The following YEATS2 variants were observed in gnomAD, a reference collection of about 807,000 sequenced individuals.
YEATS2 encodes the protein YEATS domain-containing protein 2.
In YEATS2, 77 loss-of-function variants were observed where a neutral mutation model predicts 163.2. That is an observed-to-expected ratio of 0.47 (90% CI 0.39 to 0.57). YEATS2 has a LOEUF of 0.57. YEATS2 is among the 20% of genes least tolerant of loss of function. The pLI, the probability that YEATS2 is intolerant of heterozygous loss-of-function variation, is 0.00. For missense variants in YEATS2, 1,549 were observed against 1,729.8 expected (o/e 0.90, Z 1.85); for synonymous variants, 631 against 645.1 (o/e 0.98, Z 0.33).
chr3:183,798,161 G>T (rs1389753071), intron 22 of YEATS2, 110 bp downstream of exon 22: 15 of 1,490,526 alleles, frequency 1.0e-5, no homozygotes, highest in Non-Finnish European at 1.4e-5. Flanking sequence ...AGCTGTCACG[G>T]TATTCCCAGC....
Position 183,752,193 on chromosome 3 carries a change from A to G in YEATS2, c.1090A>G (p.Lys364Glu). Residue 364 changes from lysine (K) to glutamate (E), a missense_variant, in exon 10 of 31, where the codon AAA becomes GAA. Coordinates refer to ENST00000305135, the MANE Select transcript of YEATS2 (RefSeq NM_018023.5). ...GCCTTTGACCATTCCAGCCCCAGTGAAAGCTTCTTCACCAATAAAGCAGTC... is the reference window on the plus strand; with the variant it reads ...GCCTTTGACCATTCCAGCCCCAGTGGAAGCTTCTTCACCAATAAAGCAGTC... ...SLPLTIPAPVKASSPIKQSHE... is the reference protein window; with the variant it reads ...SLPLTIPAPVEASSPIKQSHE... 1 of 1,614,146 alleles carries G rather than the reference A, an allele frequency of 6.2e-7. No homozygotes were observed. Among genetic ancestry groups the G allele is most frequent in the Non-Finnish European group, 8.5e-7 (1 of 1,180,024 alleles).
At chr3:183,805,236 A>G (rs1726067596) in intron 27 of YEATS2, among the ~76,000 whole-genome samples, 1 of 150,208 alleles carries the variant, frequency 6.7e-6, no homozygotes, top group East Asian at 1.9e-4. Flanking sequence ...CCTTGTCGCT[A>G]CAAAAATTAC....
At chr3:183,737,863 T>C (rs1450024376) in intron 8 of YEATS2, among the ~76,000 whole-genome samples, 1 of 152,228 alleles carries the variant, frequency 6.6e-6, no homozygotes, top group South Asian at 2.1e-4. Flanking sequence ...CAGTAGATAC[T>C]TGATTTTTAA....
chr3:183,785,328 A>T (rs1452524302), intron 19 of YEATS2, among the ~76,000 whole-genome samples: 1 of 151,500 alleles, frequency 6.6e-6, no homozygotes, highest in East Asian at 2.0e-4. Context: ...TCTCTACTAA[A>T]AATACAAAAA....
chr3:183,786,405 C>T, intron 20 of YEATS2, 104 bp downstream of exon 20: 1 of 1,105,706 alleles, frequency 9.0e-7, no homozygotes, highest in Non-Finnish European at 1.2e-6. Context: ...TAAAAATACT[C>T]AACTATTGCT....
intron 23 of YEATS2, among the ~76,000 whole-genome samples, chr3:183,800,106 A>G (rs1379767386): frequency 6.6e-6 from 1 of 152,202 alleles, no homozygotes; most frequent in Non-Finnish European, 1.5e-5. Flanking sequence ...TGCTGGGATT[A>G]CAGGCGTGAG....
At chr3:183,750,902 G>A (rs1720091266) in intron 9 of YEATS2, among the ~76,000 whole-genome samples, 1 of 152,162 alleles carries the variant, frequency 6.6e-6, no homozygotes, top group African/African-American at 2.4e-5. Flanking sequence ...TTATATTTTT[G>A]CCTTTTCACT....
At chr3:183,726,702 G>T (rs1717137131) in intron 6 of YEATS2, among the ~76,000 whole-genome samples, 1 of 152,022 alleles carries the variant, frequency 6.6e-6, no homozygotes. Context: ...ATCTCTTTGT[G>T]ATTTTTATCA....
At chr3:183,722,364 C>T (rs1035415517) in intron 5 of YEATS2, among the ~76,000 whole-genome samples, 1 of 142,692 alleles carries the variant, frequency 7.0e-6, no homozygotes, top group Non-Finnish European at 1.5e-5. Flanking sequence ...TCATGGCTCA[C>T]TGCAACCTCC....
Position 183,810,401 on chromosome 3 carries a change from T to C in YEATS2, c.4161-74T>C, listed in dbSNP as rs564942032. 5 of 1,345,096 alleles carry C rather than the reference T, an allele frequency of 3.7e-6. No homozygotes were observed. The African/African-American group carries it at 4.4e-5, about 12-fold the overall frequency. 83.3% of individuals were successfully genotyped at this position (1,345,096 alleles called of 1,614,324 possible). ...CCTCTGCCTGGGATGGTCCCTGTGA[T>C]GAGTTAAGTGAATAAATGATGAGAT... On this transcript the variant is annotated intron_variant, in intron 30 of 30. Transcript: ENST00000305135.
intron 1 of YEATS2, 56 bp from the exon 2 acceptor site, chr3:183,715,088 C>G (rs1715697825): frequency 9.0e-7 from 1 of 1,105,570 alleles, no homozygotes; most frequent in African/African-American, 1.6e-5. Context: ...AGTGTTACTA[C>G]AACCCAACTA....
chr3:183,771,542 CCTTTTTTTTTT>C (rs1357339809), intron 15 of YEATS2, among the ~76,000 whole-genome samples: 2 of 60,812 alleles, frequency 3.3e-5, no homozygotes, highest in African/African-American at 1.9e-4. Context: ...ATTATTCTTG[CCTTTTTTTTTT>C]TTTTTTTTTT....
chr3:183,702,510 C>G (rs922232168), intron 1 of YEATS2, among the ~76,000 whole-genome samples: 2 of 151,794 alleles, frequency 1.3e-5, no homozygotes, highest in African/African-American at 2.4e-5. Context: ...CTCATTCTTC[C>G]AGAAAAAGAA....
intron 11 of YEATS2, among the ~76,000 whole-genome samples, chr3:183,754,689 A>T (rs1236849350): frequency 3.3e-5 from 5 of 152,306 alleles, no homozygotes; most frequent in African/African-American, 1.2e-4. Flanking sequence ...ATATACATGG[A>T]AACCACAGTG....
intron 7 of YEATS2, among the ~76,000 whole-genome samples, chr3:183,730,519 A>G (rs1032178416): frequency 5.9e-5 from 9 of 152,102 alleles, no homozygotes; most frequent in Admixed American, 1.3e-4. Flanking sequence ...AACCCTTTCA[A>G]GCGATGGTGG....
intron 21 of YEATS2, chr3:183,793,609 CTT>C (rs35098553): frequency 1.6e-3 from 170 of 109,558 alleles, no homozygotes; most frequent in Middle Eastern, 4.6e-3. Context: ...TTCTTTCTTT[CTT>C]TTTTTTTTTT....
At chr3:183,752,382 T>C in intron 10 of YEATS2, 129 bp downstream of exon 10, 1 of 1,186,184 alleles carries the variant, frequency 8.4e-7, no homozygotes, top group Non-Finnish European at 1.2e-6. Context: ...ACTACACAGT[T>C]CTGTTATGAA....
At chr3:183,703,374 G>A (rs561465892) in intron 1 of YEATS2, among the ~76,000 whole-genome samples, 1 of 152,154 alleles carries the variant, frequency 6.6e-6, no homozygotes, top group South Asian at 2.1e-4. Flanking sequence ...TTTTTTTGTC[G>A]GTACTAACTC....
intron 29 of YEATS2, chr3:183,808,668 C>T (rs1726478917): frequency 5.6e-6 from 1 of 179,238 alleles, no homozygotes; most frequent in Non-Finnish European, 1.2e-5. Context: ...CCAGCCTGGC[C>T]AACATGGTGA....
Sources: gnomAD v4.1 joint callset for allele counts (sites outside exome capture counted in the v4.1 genomes callset) on GRCh38, gnomAD v4.1.1 for gene constraint, MANE v1.5 for transcripts, NCBI Gene and HGNC (gene_info 2026-07-23, HGNC 2026-07-21) for gene names.